Variants in CFAP58 observed in about 807,000 individuals in gnomAD.
The protein encoded by CFAP58 is cilia- and flagella-associated protein 58.
A neutral mutation model predicts 119.5 loss-of-function variants in CFAP58; 88 were observed. The observed-to-expected ratio is 0.74, with a 90% CI of 0.62 to 0.88. CFAP58 has a LOEUF of 0.88. Among genes scored for constraint, CFAP58 ranks in the 40% least tolerant of loss-of-function variants. The pLI is 0.00. For missense variants in CFAP58, 990 were observed against 1,021.2 expected, an observed-to-expected ratio of 0.97 and a Z score of 0.42; for synonymous variants, 365 against 366.3, an observed-to-expected ratio of 1.00 and a Z score of 0.04.
intron 15 of CFAP58, among the ~76,000 whole-genome samples, chr10:104,420,378 G>A (rs1226907149): frequency 1.3e-5 from 2 of 152,242 alleles, no homozygotes; most frequent in East Asian, 3.9e-4. Flanking sequence ...TTTAAAAACC[G>A]GTTTATACCT....
chr10:104,370,920 T>G lies in CFAP58; in HGVS notation c.956T>G (p.Met319Arg), dbSNP rs774936025. 3 of 1,612,996 alleles carry G rather than the reference T, an allele frequency of 1.9e-6. No homozygotes were observed. ...GCCAAAGAGGAAGAAGTCCATCAAA[T>G]GCGCCTTGACATCGGGAAGCTCAAC... is the stretch of plus-strand genomic sequence containing the variant. ...LKAKEEEVHQ[M>R]RLDIGKLNKI... The change falls in exon 7 of 18, where the codon ATG becomes AGG. Residue 319 changes from methionine to arginine, a missense_variant. Transcript: ENST00000369704.
At chr10:104,371,823 A>T (rs1025616938) in intron 7 of CFAP58, among the ~76,000 whole-genome samples, 2 of 152,228 alleles carry the variant, frequency 1.3e-5, no homozygotes, top group African/African-American at 4.8e-5. Context: ...CAGCAGAAAC[A>T]GCTCTGGACT....
Position 104,371,060 on chromosome 10 carries a change from C to A in CFAP58, c.1090+6C>A. The stretch of plus-strand genomic sequence containing the variant: ...GATTGTGGGATTAGAGAGAGGTAAA[C>A]CATTTTGCGCTTTTATTCATTTAGA... On this transcript the variant is annotated splice_donor_region_variant and intron_variant, in intron 7 of 17. Coordinates refer to ENST00000369704, the MANE Select transcript of CFAP58 (RefSeq NM_001008723.2). The A allele has an allele frequency of 1.9e-6, 3 of 1,595,002 alleles. No individual in the cohort carries two copies. The highest frequency in any genetic ancestry group is 2.6e-6 in the Non-Finnish European group (3 of 1,173,932).
chr10:104,446,776 T>G (rs1348453538), intron 15 of CFAP58, among the ~76,000 whole-genome samples: 1 of 152,244 alleles, frequency 6.6e-6, no homozygotes, highest in Non-Finnish European at 1.5e-5. Flanking sequence ...TTTGCTTATA[T>G]GTAATTTCTT....
intron 2 of CFAP58, among the ~76,000 whole-genome samples, chr10:104,360,577 C>T (rs2014653043): frequency 6.6e-6 from 1 of 152,100 alleles, no homozygotes; most frequent in Admixed American, 6.5e-5. Flanking sequence ...TATTTAATCA[C>T]CAGGTATTAA....
At chr10:104,347,067 G>C in the CFAP58 span, among the ~76,000 whole-genome samples, 3 of 152,030 alleles carry the variant, frequency 2.0e-5, no homozygotes, top group Non-Finnish European at 2.9e-5. Context: ...AGCCTAACCA[G>C]TCATACCCAA....
chr10:104,343,279 G>A, the CFAP58 span, among the ~76,000 whole-genome samples: 13 of 152,178 alleles, frequency 8.5e-5, no homozygotes, highest in African/African-American at 2.9e-4. Context: ...TGCTGGTCAC[G>A]TCCCTCCTCT....
rs779575094 is a variant in CFAP58 at position 104,393,452 on chromosome 10, G to C, written c.1651G>C (p.Glu551Gln). 6.2e-7 allele frequency: 1 copy of C among 1,613,720 alleles called. No individual in the cohort carries two copies. ...GCTGCACCTGGAACAGCAGCGAATA[G>C]AAAAGGAAAAGGAAACATTGAAGGT... ...VKLHLEQQRI[E>Q]KEKETLKAEL... The change falls in exon 11 of 18, where the codon GAA becomes CAA. Residue 551 changes from glutamate to glutamine, a missense_variant. Glu to Gln is a conservative substitution (Grantham distance 29, BLOSUM62 2). Coordinates refer to ENST00000369704, the MANE Select transcript of CFAP58 (RefSeq NM_001008723.2).
chr10:104,387,869 T>A (rs949850503), intron 9 of CFAP58, among the ~76,000 whole-genome samples: 1 of 152,276 alleles, frequency 6.6e-6, no homozygotes, highest in Middle Eastern at 3.4e-3. Flanking sequence ...TTGCAACAAA[T>A]CCCTAACAAC....
Position 104,380,103 on chromosome 10 carries a change from C to A in CFAP58, c.1248C>A (p.Asn416Lys), listed in dbSNP as rs1446486464. ...LVKLHEQAKR[N>K]LEGEIQNYKD... ...AGCTCCATGAACAAGCCAAGAGGAA[C>A]CTGGAGGGAGAAATCCAGAACTACA... The change falls in exon 9 of 18, where the codon AAC becomes AAA. Residue 416 changes from asparagine (N) to lysine (K), a missense_variant. Transcript: ENST00000369704. 1 of 1,614,068 alleles carries A rather than the reference C, an allele frequency of 6.2e-7. No individual in the cohort carries two copies. Among genetic ancestry groups the A allele is most frequent in the East Asian group, 2.2e-5 (1 of 44,866 alleles).
At chr10:104,361,764 C>A (rs1010354446) in intron 2 of CFAP58, among the ~76,000 whole-genome samples, 2 of 152,202 alleles carry the variant, frequency 1.3e-5, no homozygotes, top group African/African-American at 2.4e-5. Flanking sequence ...CAGCTCACTG[C>A]AGCCTCAAAT....
At chr10:104,357,356 C>G (rs2135241414) in intron 1 of CFAP58, among the ~76,000 whole-genome samples, 1 of 152,286 alleles carries the variant, frequency 6.6e-6, no homozygotes, top group Middle Eastern at 3.4e-3. Context: ...ACCTAGCCTA[C>G]ATTTCTAAGG....
chr10:104,428,851 G>A (rs187621480), intron 15 of CFAP58, among the ~76,000 whole-genome samples: 231 of 152,302 alleles, frequency 1.5e-3, no homozygotes, highest in Non-Finnish European at 2.7e-3. Flanking sequence ...GTCACTTAAG[G>A]TATCTTCTGT....
At position 104,395,237 on chromosome 10, in the gene CFAP58, G is replaced by A. The variant is rs141632477; in HGVS notation, c.1674+1762G>A. 2.4e-3 allele frequency among the ~76,000 whole-genome samples: 365 copies of A among 152,222 alleles called. 2 individuals carry two copies. Among genetic ancestry groups the A allele is most frequent in the African/African-American group, 8.5e-3 (354 of 41,530 alleles). The stretch of plus-strand genomic sequence containing the variant: ...GGTGTCTACATAAAGCTCAAAAGAA[G>A]CATCATAATACAATAAAATACAGGG... On this transcript the variant is annotated intron_variant, in intron 11 of 17. Transcript: ENST00000369704.
upstream of CFAP58, among the ~76,000 whole-genome samples, chr10:104,349,377 C>G (rs948719459): frequency 5.3e-5 from 8 of 152,224 alleles, no homozygotes; most frequent in African/African-American, 1.7e-4. Context: ...AAGCCCCTCT[C>G]TTTGTTGTGC....
At chr10:104,415,877 C>T (rs1265780753) in intron 15 of CFAP58, among the ~76,000 whole-genome samples, 1 of 152,212 alleles carries the variant, frequency 6.6e-6, no homozygotes, top group Non-Finnish European at 1.5e-5. Flanking sequence ...CATGATGATA[C>T]TGTATGTAGT....
At chr10:104,340,550 C>T in the CFAP58 span, among the ~76,000 whole-genome samples, 8 of 152,148 alleles carry the variant, frequency 5.3e-5, no homozygotes, top group African/African-American at 9.6e-5. Flanking sequence ...TGTGCTAACT[C>T]GAGAAATGTT....
rs1297360296 is a variant in CFAP58, at chr10:104,406,805, G to GT, written c.2256+16dup. 2 of 1,606,982 alleles carry GT rather than the reference G, an allele frequency of 1.2e-6. No homozygotes were observed. Among genetic ancestry groups the GT allele is most frequent in the East Asian group, 4.5e-5 (2 of 44,834 alleles). Reference sequence around the variant, plus strand: ...AGCTGCTCCTCCAGGTAGCATTTTTGTTTTCTGTACTCATTGTACAAGTCC... The same window carrying GT: ...AGCTGCTCCTCCAGGTAGCATTTTTGTTTTTCTGTACTCATTGTACAAGTCC... On this transcript the variant is annotated intron_variant, in intron 15 of 17. Transcript: ENST00000369704.
At chr10:104,438,341 G>GTT (rs1325921091) in intron 15 of CFAP58, among the ~76,000 whole-genome samples, 2 of 101,290 alleles carry the variant, frequency 2.0e-5, no homozygotes, top group African/African-American at 9.1e-5. Context: ...TTTGTTTTTT[G>GTT]TTTTTTGTTT....
Sources: gnomAD v4.1 joint callset for allele counts (sites outside exome capture counted in the v4.1 genomes callset) on GRCh38, gnomAD v4.1.1 for gene constraint, MANE v1.5 for transcripts, NCBI Gene and HGNC (gene_info 2026-07-23, HGNC 2026-07-21) for gene names.